The following SIL1 variants were observed in gnomAD, a reference collection of about 807,000 sequenced individuals.
SIL1 encodes SIL1 nucleotide exchange factor.
A neutral mutation model predicts 49.1 loss-of-function variants in SIL1; 40 were observed. The ratio of observed to expected loss-of-function variants is 0.81; its 90% confidence interval spans 0.63 to 1.06. The LOEUF (loss-of-function observed/expected upper bound fraction) is 1.06. Ranked by LOEUF, SIL1 falls within the 50% of genes least tolerant of loss-of-function variation. The probability of loss-of-function intolerance (pLI) is 0.00; values close to 1 mark genes in which losing one functional copy is unlikely to be tolerated. For missense variants in SIL1, 500 were observed against 572.6 expected, an observed-to-expected ratio of 0.87 and a Z score of 1.29; for synonymous variants, 253 against 250.8, an observed-to-expected ratio of 1.01 and a Z score of -0.08.
At chr5:139,183,411 C>T (rs144211671) in intron 1 of SIL1, among the ~76,000 whole-genome samples, 3 of 152,264 alleles carry the variant, frequency 2.0e-5, no homozygotes, top group East Asian at 1.9e-4. Flanking sequence ...CCTGCCTCCC[C>T]GGAGTTTCCA....
At chr5:138,970,609 A>C (rs1396406851) in intron 7 of SIL1, among the ~76,000 whole-genome samples, 1 of 152,098 alleles carries the variant, frequency 6.6e-6, no homozygotes, top group African/African-American at 2.4e-5. Context: ...CTCAGCCTGC[A>C]CCTCTAGGCT....
At chr5:139,024,465 A>G (rs548159828) in intron 6 of SIL1, among the ~76,000 whole-genome samples, 1 of 152,316 alleles carries the variant, frequency 6.6e-6, no homozygotes, top group East Asian at 1.9e-4. Flanking sequence ...TACAGTGCAT[A>G]CTCATCCTCT....
intron 3 of SIL1, among the ~76,000 whole-genome samples, chr5:139,061,182 T>G (rs569251837): frequency 6.6e-6 from 1 of 152,346 alleles, no homozygotes. Flanking sequence ...TGTCCAGTGC[T>G]TAGAAACTTG....
chr5:139,020,030 CAGG>C (rs1371968289), intron 7 of SIL1, among the ~76,000 whole-genome samples: 7 of 152,304 alleles, frequency 4.6e-5, no homozygotes, highest in South Asian at 2.1e-4. Context: ...AGTGGCTGCA[CAGG>C]AGGAGATTTC....
chr5:138,950,669 A>C (rs186040552), intron 9 of SIL1, among the ~76,000 whole-genome samples: 15 of 152,196 alleles, frequency 9.9e-5, no homozygotes, highest in African/African-American at 3.1e-4. Context: ...GCTTGCAAAC[A>C]GGGCTGGGCA....
intron 3 of SIL1, among the ~76,000 whole-genome samples, chr5:139,091,003 A>G (rs1438637037): frequency 1.3e-5 from 2 of 152,240 alleles, no homozygotes; most frequent in African/African-American, 4.8e-5. Context: ...ACATGTCAAG[A>G]TAAATTCCAA....
chr5:139,162,081 TAC>T (rs1751525032), intron 1 of SIL1, among the ~76,000 whole-genome samples: 1 of 151,412 alleles, frequency 6.6e-6, no homozygotes, highest in East Asian at 1.9e-4. Flanking sequence ...GCAGTCCCCC[TAC>T]AGTCTCTACA....
intron 3 of SIL1, among the ~76,000 whole-genome samples, chr5:139,071,912 G>A (rs1276279125): frequency 1.3e-5 from 2 of 151,984 alleles, no homozygotes; most frequent in East Asian, 1.9e-4. Flanking sequence ...TGGTCCCCCC[G>A]CCTCAGCCTC....
intron 3 of SIL1, among the ~76,000 whole-genome samples, chr5:139,110,163 T>A (rs568060189): frequency 1.4e-4 from 20 of 148,062 alleles, no homozygotes; most frequent in Admixed American, 5.4e-4. Context: ...AGCAAGACTC[T>A]GTCTCGAAAA....
intron 4 of SIL1, among the ~76,000 whole-genome samples, chr5:139,047,574 T>G (rs1769193220): frequency 2.0e-5 from 3 of 152,280 alleles, no homozygotes; most frequent in Admixed American, 6.5e-5. Context: ...CTATGGATTT[T>G]GTCCTCTAAA....
At chr5:139,073,600 G>A (rs1435389086) in intron 3 of SIL1, among the ~76,000 whole-genome samples, 2 of 152,140 alleles carry the variant, frequency 1.3e-5, no homozygotes, top group South Asian at 2.1e-4. Context: ...AGTTAGATAG[G>A]AGGAATAAAT....
At chr5:139,174,923 G>A (rs1751846459) in intron 1 of SIL1, among the ~76,000 whole-genome samples, 1 of 106,996 alleles carries the variant, frequency 9.3e-6, no homozygotes, top group African/African-American at 3.6e-5. Flanking sequence ...GGATGACAGA[G>A]TAAGACTGTG....
At chr5:139,048,530 C>T (rs1452694656) in intron 4 of SIL1, among the ~76,000 whole-genome samples, 1 of 151,924 alleles carries the variant, frequency 6.6e-6, no homozygotes, top group African/African-American at 2.4e-5. Context: ...CGTGTGCCAC[C>T]ACCTCCAGCT....
intron 3 of SIL1, among the ~76,000 whole-genome samples, chr5:139,111,716 A>C (rs1164586317): frequency 6.6e-6 from 1 of 152,126 alleles, no homozygotes. Context: ...TTCTACTATC[A>C]AACTCCTCAA....
At position 139,122,594 on chromosome 5, in the gene SIL1, CA is replaced by C. The variant is rs35550881; in HGVS notation, c.106-1422del. ...TGTGTGACAGAGCAAGACCCTGTCT[CA>C]AAAAAAAAAAAAAGTGCCTGGCTCC... On this transcript the variant is annotated intron_variant, in intron 2 of 9. Transcript: ENST00000394817. 9.8e-3 allele frequency among the ~76,000 whole-genome samples: 1,334 copies of C among 136,128 alleles called. 5 individuals are homozygous for C. The highest frequency in any genetic ancestry group is 0.025 in the African/African-American group (934 of 37,038). The allele number at this position is 136,128 out of a possible 152,430, so 89.3% of individuals were successfully genotyped here.
chr5:138,971,778 C>G (rs567207758), intron 7 of SIL1, among the ~76,000 whole-genome samples: 1 of 152,208 alleles, frequency 6.6e-6, no homozygotes, highest in Non-Finnish European at 1.5e-5. Flanking sequence ...ACCACAAAAG[C>G]TGCCACTTTG....
chr5:138,993,266 G>A (rs921137559), intron 7 of SIL1, among the ~76,000 whole-genome samples: 2 of 152,146 alleles, frequency 1.3e-5, no homozygotes, highest in Non-Finnish European at 2.9e-5. Context: ...GGGATGATGA[G>A]GAAGGGCTAT....
chr5:139,177,694 T>C (rs1751913185), intron 1 of SIL1, among the ~76,000 whole-genome samples: 1 of 152,220 alleles, frequency 6.6e-6, no homozygotes. Flanking sequence ...CCGCCCACCA[T>C]GCACTTAACA....
chr5:139,179,841 G>A (rs1751950666), intron 1 of SIL1, among the ~76,000 whole-genome samples: 1 of 152,034 alleles, frequency 6.6e-6, no homozygotes, highest in South Asian at 2.1e-4. Flanking sequence ...AGGATCACTT[G>A]AAACCAGGAG....
Sources: allele counts gnomAD v4.1 joint callset (sites outside exome capture counted in the v4.1 genomes callset), GRCh38; gene constraint gnomAD v4.1.1; transcripts MANE v1.5; gene names NCBI Gene and HGNC (gene_info 2026-07-23, HGNC 2026-07-21).